The following SPTLC1 variants were observed in gnomAD, a reference collection of about 807,000 sequenced individuals.
SPTLC1 encodes serine palmitoyltransferase 1.
In SPTLC1, 55 loss-of-function variants were observed where a neutral mutation model predicts 68.9. That is an observed-to-expected ratio of 0.80 (90% confidence interval 0.64 to 1.00). SPTLC1 has a LOEUF of 1.00. SPTLC1 is among the 50% of genes least tolerant of loss of function. SPTLC1 has a pLI of 0.00. For synonymous variants in SPTLC1, 197 were observed against 201.6 expected, an observed-to-expected ratio of 0.98 and a Z score of 0.19; for missense variants, 449 against 573.1, an observed-to-expected ratio of 0.78 and a Z score of 2.21.
intron 13 of SPTLC1, among the ~76,000 whole-genome samples, chr9:92,036,431 GAA>G (rs1051780541): frequency 1.2e-4 from 19 of 152,250 alleles, no homozygotes; most frequent in African/African-American, 3.4e-4. Flanking sequence ...GCTATCTAAT[GAA>G]AAGAGAACAG....
intron 3 of SPTLC1, among the ~76,000 whole-genome samples, chr9:92,091,762 TAAA>T (rs894883518): frequency 1.3e-5 from 2 of 152,138 alleles, no homozygotes; most frequent in African/African-American, 4.8e-5. Flanking sequence ...ACTCCTCAGT[TAAA>T]AAATGATACT....
At chr9:92,089,122 C>G (rs186884285) in intron 3 of SPTLC1, among the ~76,000 whole-genome samples, 16 of 152,240 alleles carry the variant, frequency 1.1e-4, no homozygotes, top group African/African-American at 3.6e-4. Flanking sequence ...AAGAAAAGGA[C>G]AGGCTGGGCT....
At chr9:92,076,438 C>T (rs1200008147) in intron 5 of SPTLC1, among the ~76,000 whole-genome samples, 2 of 152,166 alleles carry the variant, frequency 1.3e-5, no homozygotes. Flanking sequence ...ACTCCTATTA[C>T]TCTCCTTCTG....
intron 5 of SPTLC1, chr9:92,079,276 A>T (rs1254115614): frequency 1.4e-6 from 1 of 703,536 alleles, no homozygotes; most frequent in African/African-American, 1.8e-5. Context: ...AGGTTTCAGC[A>T]TGTTGGCCAG....
At chr9:92,045,581 T>C (rs1833488209) in intron 12 of SPTLC1, among the ~76,000 whole-genome samples, 1 of 151,584 alleles carries the variant, frequency 6.6e-6, no homozygotes, top group South Asian at 2.1e-4. Context: ...TGTTTCTTTT[T>C]CTTGTGTTAA....
At chr9:92,054,314 G>A (rs1169683698) in intron 8 of SPTLC1, among the ~76,000 whole-genome samples, 1 of 152,046 alleles carries the variant, frequency 6.6e-6, no homozygotes, top group Admixed American at 6.6e-5. Context: ...AAACAAAAAA[G>A]CAAGCTATGC....
chr9:92,084,637 G>T (rs1247021388), intron 3 of SPTLC1, among the ~76,000 whole-genome samples: 2 of 151,972 alleles, frequency 1.3e-5, no homozygotes, highest in East Asian at 1.9e-4. Flanking sequence ...GCTGGATTCG[G>T]TTTGCCAGTA....
chr9:92,053,420 T>C (rs567882205), intron 8 of SPTLC1, among the ~76,000 whole-genome samples: 1 of 152,274 alleles, frequency 6.6e-6, no homozygotes, highest in African/African-American at 2.4e-5. Context: ...GATATATACA[T>C]AAAAGAACTG....
intron 3 of SPTLC1, 24 bp downstream of exon 3, chr9:92,108,716 C>T: frequency 1.3e-6 from 2 of 1,585,168 alleles, no homozygotes; most frequent in Non-Finnish European, 1.7e-6. Context: ...AATACAAGTA[C>T]TTCAGGTAGC....
At chr9:92,054,781 C>T (rs550222633) in intron 8 of SPTLC1, among the ~76,000 whole-genome samples, 15 of 152,168 alleles carry the variant, frequency 9.9e-5, no homozygotes, top group South Asian at 8.3e-4. Flanking sequence ...GGGGTGTCTG[C>T]GCACGCCTAT....
chr9:92,078,853 A>G (rs745848564), intron 5 of SPTLC1, among the ~76,000 whole-genome samples: 3 of 152,262 alleles, frequency 2.0e-5, no homozygotes, highest in Non-Finnish European at 2.9e-5. Flanking sequence ...CAAGACAAAT[A>G]ATGTAATCAC....
chr9:92,098,855 T>C (rs973878678), intron 3 of SPTLC1, among the ~76,000 whole-genome samples: 1 of 152,050 alleles, frequency 6.6e-6, no homozygotes, highest in Non-Finnish European at 1.5e-5. Context: ...GTGTAGCAGC[T>C]GCATATAACA....
At chr9:92,067,252 T>C (rs917855580) in intron 6 of SPTLC1, among the ~76,000 whole-genome samples, 3 of 151,620 alleles carry the variant, frequency 2.0e-5, no homozygotes, top group Non-Finnish European at 4.4e-5. Context: ...TGAGCCAAGA[T>C]TGCGCCATTG....
intron 3 of SPTLC1, among the ~76,000 whole-genome samples, chr9:92,104,199 A>G (rs1835867315): frequency 6.6e-6 from 1 of 152,048 alleles, no homozygotes. Flanking sequence ...ACTCGCTCAA[A>G]ATGGGCAACT....
At chr9:92,099,320 C>A (rs748280546) in intron 3 of SPTLC1, among the ~76,000 whole-genome samples, 4 of 152,148 alleles carry the variant, frequency 2.6e-5, no homozygotes, top group Non-Finnish European at 4.4e-5. Flanking sequence ...CTATTCCAGG[C>A]CTGGGCACAG....
At chr9:92,037,135 C>T (rs950947391) in intron 13 of SPTLC1, among the ~76,000 whole-genome samples, 1 of 152,228 alleles carries the variant, frequency 6.6e-6, no homozygotes, top group African/African-American at 2.4e-5. Context: ...ACAGCTGAAG[C>T]CAGCTAGGCA....
intron 12 of SPTLC1, among the ~76,000 whole-genome samples, chr9:92,038,984 CA>C (rs926641393): frequency 6.6e-6 from 1 of 152,026 alleles, no homozygotes; most frequent in Admixed American, 6.5e-5. Flanking sequence ...AAAACAAAAA[CA>C]AAAAACAAAA....
At chr9:92,081,084 T>C (rs1476595423) in intron 3 of SPTLC1, 121 bp from the exon 4 acceptor site, 13 of 719,470 alleles carry the variant, frequency 1.8e-5, no homozygotes, top group Non-Finnish European at 3.2e-5. Context: ...ATACTGGTCT[T>C]TGATTTCTTG....
intron 5 of SPTLC1, among the ~76,000 whole-genome samples, chr9:92,075,349 C>T (rs1360021993): frequency 1.3e-5 from 2 of 152,136 alleles, no homozygotes; most frequent in East Asian, 3.9e-4. Context: ...TTTTGCCATC[C>T]TAACCAAACC....
Sources: allele counts gnomAD v4.1 joint callset (sites outside exome capture counted in the v4.1 genomes callset), GRCh38; gene constraint gnomAD v4.1.1; transcripts MANE v1.5; gene names NCBI Gene and HGNC (gene_info 2026-07-23, HGNC 2026-07-21).